PAPOLG: variants seen among roughly 807,000 people sequenced by gnomAD.
The protein encoded by PAPOLG is poly(A) polymerase gamma, also known as PAP-gamma.
In PAPOLG, 40 loss-of-function variants were observed where a neutral mutation model predicts 99.0. The ratio of observed to expected loss-of-function variants is 0.40; its 90% CI spans 0.31 to 0.53. The LOEUF is 0.53. Among genes scored for constraint, PAPOLG ranks in the 20% least tolerant of loss-of-function variants. PAPOLG has a pLI of 0.41. For synonymous variants in PAPOLG, 310 were observed against 299.3 expected (o/e 1.04, Z -0.37); for missense variants, 675 against 884.1 (o/e 0.76, Z 3.00).
At chr2:60,782,655 T>TC (rs1410406344) in intron 11 of PAPOLG, 31 bp from the exon 12 acceptor site, 15 of 351,042 alleles carry the variant, frequency 4.3e-5, no homozygotes, top group Non-Finnish European at 6.0e-5. Flanking sequence ...TTCTTCTTCT[T>TC]TTTTTTTTTT....
chr2:60,777,831 C>T (rs1312284758), intron 8 of PAPOLG, among the ~76,000 whole-genome samples: 1 of 152,136 alleles, frequency 6.6e-6, no homozygotes, highest in African/African-American at 2.4e-5. Context: ...GCATTCAGAA[C>T]ATATACATTT....
At chr2:60,778,066 A>G (rs1033635982) in intron 8 of PAPOLG, among the ~76,000 whole-genome samples, 1 of 152,242 alleles carries the variant, frequency 6.6e-6, no homozygotes, top group African/African-American at 2.4e-5. Flanking sequence ...GGTTGCCGCA[A>G]ACCTTCAGTT....
At position 60,791,749 on chromosome 2, in the gene PAPOLG, A is replaced by T. The variant is rs1671542349; in HGVS notation, c.1397-12A>T. ...AAGAAGTTTCCCATTTAACATATTAACATTGTTACAGTGTACAGACAGGCA... is the reference window on the plus strand; with the variant it reads ...AAGAAGTTTCCCATTTAACATATTATCATTGTTACAGTGTACAGACAGGCA... On this transcript the variant is annotated splice_polypyrimidine_tract_variant and intron_variant, in intron 15 of 21. Coordinates refer to ENST00000238714, the MANE Select transcript of PAPOLG (RefSeq NM_022894.4). 6.3e-7 allele frequency: 1 copy of T among 1,583,600 alleles called. No individual in the cohort carries two copies. The highest frequency in any genetic ancestry group is 8.5e-7 in the Non-Finnish European group (1 of 1,171,044).
In PAPOLG at chr2:60,783,221, A is replaced by G. The variant is rs756300934; in HGVS notation, c.1166+12A>G. ...AACCATCTAGAGTGGTAAGACTTCTATTTCAAGTTTTCTACCTACTGTGTG... is the reference window on the plus strand; with the variant it reads ...AACCATCTAGAGTGGTAAGACTTCTGTTTCAAGTTTTCTACCTACTGTGTG... On this transcript the variant is annotated intron_variant, in intron 13 of 21. Transcript: ENST00000238714. The G allele has an allele frequency of 1.3e-6, 2 of 1,528,480 alleles. No homozygotes were observed. Among genetic ancestry groups the G allele is most frequent in the Admixed American group, 1.8e-5 (1 of 54,872 alleles). The allele number at this position is 1,528,480 out of a possible 1,614,324, so 94.7% of individuals were successfully genotyped here.
rs375471761 is a variant in PAPOLG at position 60,772,374 on chromosome 2, G to A, written c.604+744G>A. Among the ~76,000 whole-genome samples the A allele has an allele frequency of 2.6e-5, 4 of 151,270 alleles. No individual in the cohort carries two copies. The South Asian group carries it at 6.3e-4, about 24-fold the overall frequency. On this transcript the variant is annotated intron_variant, in intron 7 of 21. Coordinates refer to ENST00000238714, the MANE Select transcript of PAPOLG (RefSeq NM_022894.4). ...AGGTGAGAGGATCACCTGAGCCCCC[G>A]AGGTGGAGGCTGCAGTGAGCCGTGA...
At chr2:60,769,640 T>C (rs1558685383) in intron 5 of PAPOLG, among the ~76,000 whole-genome samples, 1 of 152,216 alleles carries the variant, frequency 6.6e-6, no homozygotes, top group Non-Finnish European at 1.5e-5. Context: ...AGATTAATCA[T>C]GAGCTTTCAT....
chr2:60,783,264 A>G (rs1479393134), intron 13 of PAPOLG, 55 bp downstream of exon 13: 2 of 1,051,562 alleles, frequency 1.9e-6, no homozygotes, highest in East Asian at 2.6e-5. Context: ...TAACTTATTT[A>G]TATGGTGCTT....
chr2:60,789,738 C>T (rs566143087), intron 15 of PAPOLG, among the ~76,000 whole-genome samples: 1 of 152,306 alleles, frequency 6.6e-6, no homozygotes, highest in East Asian at 1.9e-4. Context: ...AAGGTATTGG[C>T]TTGGCTCATC....
At chr2:60,770,248 AC>A (rs1166898517) in intron 5 of PAPOLG, among the ~76,000 whole-genome samples, 2 of 152,252 alleles carry the variant, frequency 1.3e-5, no homozygotes, top group African/African-American at 2.4e-5. Context: ...GGAATGTAAG[AC>A]CAGAAACATT....
intron 3 of PAPOLG, among the ~76,000 whole-genome samples, chr2:60,762,908 C>CACACCTGGCCTTGGTTTTGTTCTTGTTT (rs1670562981): frequency 5.3e-5 from 8 of 150,984 alleles, no homozygotes; most frequent in African/African-American, 1.9e-4. Flanking sequence ...ATTACAGCCT[C>CACACCTGGCCTTGGTTTTGTTCTTGTTT]GAGCCACCGC....
In PAPOLG at chr2:60,761,821, CTA is replaced by C. The variant is rs753276529; in HGVS notation, c.246+16_246+17del. ...AGCGAGAGTAAGGTAAGACTCTAAA[CTA>C]TGTGGAATTCTTGTTTTTATTATAT... On this transcript the variant is annotated intron_variant, in intron 3 of 21. Coordinates refer to ENST00000238714, the MANE Select transcript of PAPOLG (RefSeq NM_022894.4). 2 of 1,519,606 alleles carry C rather than the reference CTA, an allele frequency of 1.3e-6. No homozygotes were observed. Among genetic ancestry groups the C allele is most frequent in the South Asian group, 1.1e-5 (1 of 87,060 alleles). 94.1% of individuals were successfully genotyped at this position (1,519,606 alleles called of 1,614,324 possible). A position where few individuals can be genotyped will look rare whatever the true frequency, so the allele number is the denominator to read the frequency against.
In PAPOLG at chr2:60,794,115, C is replaced by G; in HGVS notation, c.1913C>G (p.Thr638Ser). 6.2e-7 allele frequency: 1 copy of G among 1,614,002 alleles called. No homozygotes were observed. Among genetic ancestry groups the G allele is most frequent in the Middle Eastern group, 1.6e-4 (1 of 6,062 alleles). The change falls in exon 19 of 22, where the codon ACT becomes AGT. Residue 638 changes from threonine (T) to serine (S), a missense_variant. This residue lies in a region of PAPOLG where 413 missense variants were observed against 460.5 expected (regional missense o/e 0.90). Coordinates refer to ENST00000238714, the MANE Select transcript of PAPOLG (RefSeq NM_022894.4). ...CATCTGAATGGAATGTCAAATATAA[C>G]TAAGACTGTTACACCTAAGAGATCC... is the stretch of plus-strand genomic sequence containing the variant. ...QPHLNGMSNITKTVTPKRSHS... is the reference protein window; with the variant it reads ...QPHLNGMSNISKTVTPKRSHS...
At position 60,756,949 on chromosome 2, in the gene PAPOLG, A is replaced by T. The variant is rs1670363847; in HGVS notation, c.17+454A>T. On this transcript the variant is annotated intron_variant, in intron 1 of 21. Transcript: ENST00000238714. The stretch of plus-strand genomic sequence containing the variant: ...ATCGCAGCCCAAGGGTTTCTCTTTC[A>T]TATGAGGCTACAGTCTTTTCACCGC... 2.0e-5 allele frequency among the ~76,000 whole-genome samples: 3 copies of T among 150,838 alleles called. No individual in the cohort carries two copies. In the South Asian group the frequency reaches 6.2e-4, roughly 31 times the overall value.
intron 3 of PAPOLG, among the ~76,000 whole-genome samples, chr2:60,767,927 TG>T (rs761387142): frequency 2.6e-5 from 4 of 152,142 alleles, no homozygotes; most frequent in Non-Finnish European, 4.4e-5. Context: ...CAGATAGGGA[TG>T]TATGTATGTG....
intron 2 of PAPOLG, among the ~76,000 whole-genome samples, chr2:60,760,792 G>T (rs1452174012): frequency 6.6e-6 from 1 of 152,184 alleles, no homozygotes; most frequent in African/African-American, 2.4e-5. Context: ...GTAAGGTGTT[G>T]TCAAGGTTTG....
Position 60,793,481 on chromosome 2 carries a change from T to A in PAPOLG, c.1680-146T>A, listed in dbSNP as rs1413677810. On this transcript the variant is annotated intron_variant, in intron 17 of 21. Coordinates refer to ENST00000238714, the MANE Select transcript of PAPOLG (RefSeq NM_022894.4). ...TGGGAGGCTGAGGTGGCAAAGTTAC[T>A]TGAGTCCAGGAGGTTGAGGCTGCAG... 17 of 854,330 alleles carry A rather than the reference T, an allele frequency of 2.0e-5. No homozygotes were observed. In the South Asian group the frequency reaches 2.5e-4, roughly 12 times the overall value. 52.9% of individuals were successfully genotyped at this position (854,330 alleles called of 1,614,324 possible). A position where few individuals can be genotyped will look rare whatever the true frequency, so the allele number is the denominator to read the frequency against.
chr2:60,756,268 A>G lies in PAPOLG; in HGVS notation c.-211A>G, dbSNP rs961263395. The stretch of plus-strand genomic sequence containing the variant: ...GAGGCAGGCTGGGAAGCGGCGCCAT[A>G]TTGGCGTCGGCCGCGCTGTATTGTC... On this transcript the variant is annotated 5_prime_UTR_variant, in exon 1 of 22. Transcript: ENST00000238714. 9.6e-6 allele frequency: 6 copies of G among 625,730 alleles called. No individual in the cohort carries two copies. Among genetic ancestry groups the G allele is most frequent in the South Asian group, 5.7e-5 (3 of 52,880 alleles). The allele number at this position is 625,730 out of a possible 1,614,324, so 38.8% of individuals were successfully genotyped here.
In PAPOLG at chr2:60,797,314, A is replaced by C. The variant is rs1158526548; in HGVS notation, c.*154A>C. ...CTTGAAGTGGTTTTTGAACTGTCAA[A>C]CTTTGACCTGTAGATGCTGTAGCAT... On this transcript the variant is annotated 3_prime_UTR_variant, in exon 22 of 22. Coordinates refer to ENST00000238714, the MANE Select transcript of PAPOLG (RefSeq NM_022894.4). 2.3e-6 allele frequency: 2 copies of C among 866,776 alleles called. No individual in the cohort carries two copies. Among genetic ancestry groups the C allele is most frequent in the Non-Finnish European group, 3.5e-6 (2 of 563,500 alleles). The allele number at this position is 866,776 out of a possible 1,614,324, so 53.7% of individuals were successfully genotyped here.
chr2:60,762,683 G>C (rs970674323), intron 3 of PAPOLG, among the ~76,000 whole-genome samples: 2 of 151,930 alleles, frequency 1.3e-5, no homozygotes, highest in East Asian at 1.9e-4. Flanking sequence ...CTGGAATGCA[G>C]TGGTGCAATC....
Sources: gnomAD v4.1 joint callset for allele counts (sites outside exome capture counted in the v4.1 genomes callset) on GRCh38, gnomAD v4.1.1 for gene constraint, gnomAD v4.1.1 regional missense constraint, MANE v1.5 for transcripts, NCBI Gene and HGNC (gene_info 2026-07-23, HGNC 2026-07-21) for gene names.